Variants in SLC2A9 observed in about 807,000 individuals in gnomAD.
SLC2A9 encodes solute carrier family 2, facilitated glucose transporter member 9.
In SLC2A9, 39 loss-of-function variants were observed where a neutral mutation model predicts 50.6. The ratio of observed to expected loss-of-function variants is 0.77; its 90% CI spans 0.60 to 1.01. The LOEUF is 1.01. Among genes scored for constraint, SLC2A9 ranks in the 50% least tolerant of loss-of-function variants. The pLI is 0.00. For synonymous variants in SLC2A9, 324 were observed against 276.9 expected, an observed-to-expected ratio of 1.17 and a Z score of -1.69; for missense variants, 686 against 677.6, an observed-to-expected ratio of 1.01 and a Z score of -0.14.
At chr4:10,032,050 G>T (rs781086904) in intron 1 of SLC2A9, among the ~76,000 whole-genome samples, 1 of 152,198 alleles carries the variant, frequency 6.6e-6, no homozygotes, top group African/African-American at 2.4e-5. Flanking sequence ...CCTACCTTGT[G>T]TCAGGCCCAC....
chr4:9,819,116 C>CAAA (rs60751108), intron 3 of SLC2A9, among the ~76,000 whole-genome samples: 9,664 of 57,218 alleles, frequency 0.17, 892 homozygotes, highest in African/African-American at 0.25. Flanking sequence ...GAGACTGTCT[C>CAAA]AAAAAAAAAA....
At chr4:9,888,739 G>T (rs1011015531) in intron 9 of SLC2A9, among the ~76,000 whole-genome samples, 1 of 152,026 alleles carries the variant, frequency 6.6e-6, no homozygotes, top group South Asian at 2.1e-4. Context: ...CACCATCGGC[G>T]GGGGGGTAAG....
intron 3 of SLC2A9, among the ~76,000 whole-genome samples, chr4:9,801,596 T>A (rs73805856): frequency 6.6e-6 from 1 of 152,118 alleles, no homozygotes; most frequent in African/African-American, 2.4e-5. Context: ...AGACATTAAC[T>A]CTCCTGAACT....
At chr4:9,805,006 A>T (rs1032903541) in intron 3 of SLC2A9, among the ~76,000 whole-genome samples, 2 of 152,116 alleles carry the variant, frequency 1.3e-5, no homozygotes, top group African/African-American at 4.8e-5. Context: ...CCCCAGGGGA[A>T]ATGTGGCCCC....
chr4:9,810,856 T>G (rs1253063066), intron 3 of SLC2A9, among the ~76,000 whole-genome samples: 1 of 152,216 alleles, frequency 6.6e-6, no homozygotes, highest in South Asian at 2.1e-4. Context: ...GGCAATGCCC[T>G]TTGACACCCT....
At chr4:10,018,325 G>A (rs1235442249) in intron 2 of SLC2A9, among the ~76,000 whole-genome samples, 1 of 152,174 alleles carries the variant, frequency 6.6e-6, no homozygotes, top group African/African-American at 2.4e-5. Flanking sequence ...TGGGCGGATC[G>A]CTTGAGGCTG....
chr4:9,981,669 T>C (rs573740054), intron 4 of SLC2A9, among the ~76,000 whole-genome samples: 20 of 152,270 alleles, frequency 1.3e-4, no homozygotes, highest in Non-Finnish European at 2.4e-4. Context: ...TGTCATAAAT[T>C]ATGGGACTCC....
intron 1 of SLC2A9, among the ~76,000 whole-genome samples, chr4:9,772,818 T>A (rs184404436): frequency 1.0e-3 from 63 of 61,370 alleles, no homozygotes; most frequent in Middle Eastern, 7.5e-3. Context: ...ATTTTATTTT[T>A]TTTTTTATTT....
chr4:9,936,403 C>T (rs1747092719), intron 6 of SLC2A9, among the ~76,000 whole-genome samples: 1 of 152,174 alleles, frequency 6.6e-6, no homozygotes, highest in Admixed American at 6.5e-5. Flanking sequence ...GACCCCAGCT[C>T]TGCTAACTCT....
intron 10 of SLC2A9, among the ~76,000 whole-genome samples, chr4:9,886,424 CTGTGTGTGTG>C (rs59081583): frequency 0.022 from 3,007 of 135,650 alleles, 128 homozygotes; most frequent in East Asian, 0.21. Flanking sequence ...CCTCATAGCA[CTGTGTGTGTG>C]TGTGTGTGTG....
intron 1 of SLC2A9, among the ~76,000 whole-genome samples, chr4:10,033,502 G>A (rs1035600450): frequency 1.3e-5 from 2 of 152,184 alleles, no homozygotes; most frequent in Non-Finnish European, 2.9e-5. Context: ...ATCTGGATGA[G>A]GAACAGTGTT....
At chr4:9,825,555 C>T (rs1337863596), downstream of SLC2A9, among the ~76,000 whole-genome samples, 4 of 151,584 alleles carry the variant, frequency 2.6e-5, no homozygotes, top group Admixed American at 6.6e-5. Flanking sequence ...TCCCACCAAG[C>T]CTAGGTTTAG....
chr4:9,955,494 C>CAAAAAA (rs71181004), intron 5 of SLC2A9, among the ~76,000 whole-genome samples: 1 of 23,652 alleles, frequency 4.2e-5, no homozygotes, highest in Admixed American at 6.7e-4. Context: ...GACTCCGTCT[C>CAAAAAA]AAAAAAAAAA....
At chr4:9,776,162 G>A (rs1428445238), downstream of SLC2A9, among the ~76,000 whole-genome samples, 2 of 151,618 alleles carry the variant, frequency 1.3e-5, no homozygotes, top group Non-Finnish European at 2.9e-5. Flanking sequence ...AGTCAGAGAG[G>A]TGCTGAGGAA....
At chr4:9,778,030 C>T (rs868437965), downstream of SLC2A9, among the ~76,000 whole-genome samples, 14 of 151,278 alleles carry the variant, frequency 9.3e-5, no homozygotes, top group African/African-American at 3.2e-4. Context: ...TGCATTTCTA[C>T]TTCTATTTTC....
chr4:9,798,441 T>G (rs1720867363), downstream of SLC2A9, among the ~76,000 whole-genome samples: 1 of 152,226 alleles, frequency 6.6e-6, no homozygotes, highest in Admixed American at 6.5e-5. Context: ...CATGGGTTAC[T>G]TATAACCAAA....
intron 7 of SLC2A9, among the ~76,000 whole-genome samples, chr4:9,911,006 G>C (rs1296032368): frequency 6.6e-6 from 1 of 151,568 alleles, no homozygotes; most frequent in Non-Finnish European, 1.5e-5. Context: ...TGGGGTGTGG[G>C]GGGGCTAGAG....
chr4:9,944,828 C>T (rs1578015065), intron 5 of SLC2A9, among the ~76,000 whole-genome samples: 1 of 152,162 alleles, frequency 6.6e-6, no homozygotes, highest in African/African-American at 2.4e-5. Context: ...GAGATTATTC[C>T]CCTCACCTTC....
chr4:9,980,537 T>C, intron 5 of SLC2A9, 55 bp downstream of exon 5: 1 of 1,612,272 alleles, frequency 6.2e-7, no homozygotes, highest in Non-Finnish European at 8.5e-7. Context: ...GGCTCCTTCC[T>C]GCAGTGGTAA....
Sources: gnomAD v4.1 joint callset for allele counts (sites outside exome capture counted in the v4.1 genomes callset) on GRCh38, gnomAD v4.1.1 for gene constraint, MANE v1.5 for transcripts, NCBI Gene and HGNC (gene_info 2026-07-23, HGNC 2026-07-21) for gene names.